Variants in NEMP2 observed in about 807,000 individuals in gnomAD.
NEMP2 encodes the protein UPF0571 transmembrane protein.
In NEMP2, 53 loss-of-function variants were observed where a neutral mutation model predicts 54.2. That is an observed-to-expected ratio of 0.98 (90% CI 0.78 to 1.23). The LOEUF (loss-of-function observed/expected upper bound fraction) is 1.23, where lower values mean the gene tolerates loss of function less well. NEMP2 is among the 50% of genes most tolerant of loss of function. The pLI is 0.00. For missense variants in NEMP2, 455 were observed against 511.3 expected (o/e 0.89, Z 1.06); for synonymous variants, 197 against 190.3 (o/e 1.04, Z -0.29).
At chr2:190,543,081 G>A in the NEMP2 span, among the ~76,000 whole-genome samples, 13 of 152,244 alleles carry the variant, frequency 8.5e-5, no homozygotes, top group Non-Finnish European at 1.5e-4. The surrounding 1 kb of genome is among the most constrained non-coding windows in gnomAD (Gnocchi z 4.7). Context: ...CCCTCCACCC[G>A]TGACTAGGCT....
At chr2:190,430,864 C>T in the NEMP2 span, among the ~76,000 whole-genome samples, 13,219 of 88,874 alleles carry the variant, frequency 0.15, 258 homozygotes, top group East Asian at 0.19. Context: ...ACCTCCCTCC[C>T]GGACGGGGCG....
the NEMP2 span, among the ~76,000 whole-genome samples, chr2:190,557,869 TTGG>T: frequency 2.6e-5 from 4 of 152,168 alleles, no homozygotes; most frequent in Admixed American, 6.5e-5. Context: ...TTTTACACTG[TTGG>T]TGGGAGTGTA....
At chr2:190,457,000 G>A in the NEMP2 span, among the ~76,000 whole-genome samples, 35,054 of 151,952 alleles carry the variant, frequency 0.23, 4,953 homozygotes, top group South Asian at 0.33. The surrounding 1 kb of genome is among the most constrained non-coding windows in gnomAD (Gnocchi z 5.4). Context: ...CAACATAAAC[G>A]TTCATCCAGC....
the NEMP2 span, among the ~76,000 whole-genome samples, chr2:190,431,040 G>A: frequency 8.6e-6 from 1 of 116,916 alleles, no homozygotes; most frequent in Non-Finnish European, 2.0e-5. This position sits in a 1 kb window ranked among gnomAD's most constrained non-coding sequence, Gnocchi z 4.4. Context: ...TCGCGGCCGG[G>A]CAGAGGCGCT....
chr2:190,543,333 T>C, the NEMP2 span, among the ~76,000 whole-genome samples: 3 of 152,246 alleles, frequency 2.0e-5, no homozygotes, highest in Non-Finnish European at 4.4e-5. The surrounding 1 kb of genome is among the most constrained non-coding windows in gnomAD (Gnocchi z 4.7). Context: ...GCAGAGTTTT[T>C]AGGTGGGATG....
the NEMP2 span, among the ~76,000 whole-genome samples, chr2:190,441,738 A>G: frequency 2.6e-5 from 4 of 152,038 alleles, no homozygotes; most frequent in African/African-American, 9.7e-5. Context: ...CCTCAGCTCT[A>G]GAGACCTCTG....
At chr2:190,601,242 C>T in the NEMP2 span, among the ~76,000 whole-genome samples, 1 of 152,072 alleles carries the variant, frequency 6.6e-6, no homozygotes, top group African/African-American at 2.4e-5. The surrounding 1 kb of genome is among the most constrained non-coding windows in gnomAD (Gnocchi z 5.8). Context: ...TGCCACAAGC[C>T]AAGGAACCAC....
the NEMP2 span, among the ~76,000 whole-genome samples, chr2:190,554,998 G>A: frequency 6.6e-6 from 1 of 152,186 alleles, no homozygotes; most frequent in East Asian, 1.9e-4. The surrounding 1 kb of genome is among the most constrained non-coding windows in gnomAD (Gnocchi z 5.7). Context: ...AGCCTCTGCT[G>A]GTGATACCCA....
the NEMP2 span, among the ~76,000 whole-genome samples, chr2:190,430,370 G>A: frequency 1.3e-5 from 2 of 151,244 alleles, no homozygotes; most frequent in Non-Finnish European, 2.9e-5. Flanking sequence ...CAGTGTTTGT[G>A]TCCCTGGGTA....
the NEMP2 span, among the ~76,000 whole-genome samples, chr2:190,563,564 A>G: frequency 6.7e-6 from 1 of 148,478 alleles, no homozygotes; most frequent in African/African-American, 2.4e-5. The surrounding 1 kb of genome is among the most constrained non-coding windows in gnomAD (Gnocchi z 4.3). Flanking sequence ...CTACTCAATA[A>G]TTGGATTTTC....
At chr2:190,565,734 G>C in the NEMP2 span, among the ~76,000 whole-genome samples, 1 of 152,156 alleles carries the variant, frequency 6.6e-6, no homozygotes, top group Non-Finnish European at 1.5e-5. Flanking sequence ...CCAACACAGA[G>C]AACCTCAGAA....
the NEMP2 span, among the ~76,000 whole-genome samples, chr2:190,640,215 A>G: frequency 6.6e-6 from 1 of 152,146 alleles, no homozygotes; most frequent in Non-Finnish European, 1.5e-5. Flanking sequence ...TCCATTTCAC[A>G]AATAATGTTG....
chr2:190,583,231 CTTTT>C, the NEMP2 span, among the ~76,000 whole-genome samples: 3 of 141,674 alleles, frequency 2.1e-5, no homozygotes, highest in African/African-American at 2.6e-5. Flanking sequence ...AGTCATAGGT[CTTTT>C]TTTTTTTTTT....
the NEMP2 span, among the ~76,000 whole-genome samples, chr2:190,571,152 C>T: frequency 6.6e-6 from 1 of 152,158 alleles, no homozygotes; most frequent in Non-Finnish European, 1.5e-5. Context: ...TAATTGTACC[C>T]ATCTAATAGA....
the NEMP2 span, among the ~76,000 whole-genome samples, chr2:190,602,571 G>A: frequency 5.9e-5 from 9 of 152,314 alleles, no homozygotes; most frequent in Admixed American, 3.3e-4. Context: ...AGTTAACCAC[G>A]ACAGGTTGAG....
the NEMP2 span, chr2:190,433,303 G>A: frequency 6.6e-6 from 1 of 152,126 alleles, no homozygotes; most frequent in Non-Finnish European, 1.5e-5. This position sits in a 1 kb window ranked among gnomAD's most constrained non-coding sequence, Gnocchi z 4.5. Context: ...ATAGATTTGA[G>A]GGCAAATTAT....
the NEMP2 span, among the ~76,000 whole-genome samples, chr2:190,615,390 G>C: frequency 6.6e-6 from 1 of 152,198 alleles, no homozygotes; most frequent in Non-Finnish European, 1.5e-5. This position sits in a 1 kb window ranked among gnomAD's most constrained non-coding sequence, Gnocchi z 4.7. Flanking sequence ...CTATTATAAA[G>C]GATATTTCAA....
At chr2:190,550,100 G>GATT in the NEMP2 span, among the ~76,000 whole-genome samples, 1 of 152,114 alleles carries the variant, frequency 6.6e-6, no homozygotes, top group Non-Finnish European at 1.5e-5. This position sits in a 1 kb window ranked among gnomAD's most constrained non-coding sequence, Gnocchi z 4.7. Context: ...CCCATATCAA[G>GATT]ATTCCTAGTT....
the NEMP2 span, among the ~76,000 whole-genome samples, chr2:190,457,277 C>G: frequency 5.9e-5 from 9 of 152,198 alleles, no homozygotes; most frequent in Non-Finnish European, 4.4e-5. The surrounding 1 kb of genome is among the most constrained non-coding windows in gnomAD (Gnocchi z 5.1). Flanking sequence ...CCTCTCCTTC[C>G]TTGTCTCTGT....
Sources: allele counts gnomAD v4.1 joint callset (sites outside exome capture counted in the v4.1 genomes callset), GRCh38; gene constraint gnomAD v4.1.1; non-coding constraint Gnocchi (gnomAD v3.1); transcripts MANE v1.5; gene names NCBI Gene and HGNC (gene_info 2026-07-23, HGNC 2026-07-21).